The following PIAS1 variants were observed in gnomAD, a reference collection of about 807,000 sequenced individuals.
PIAS1 encodes the protein protein inhibitor of activated STAT 1.
Under a neutral mutation model 71.3 loss-of-function variants are expected in PIAS1, and 6 were observed. The ratio of observed to expected loss-of-function variants is 0.08; its 90% CI spans 0.05 to 0.17. The LOEUF is 0.17. Ranked by LOEUF, PIAS1 falls within the 10% of genes least tolerant of loss-of-function variation. The probability of loss-of-function intolerance (pLI) is 1.00; values close to 1 mark genes in which losing one functional copy is unlikely to be tolerated. For synonymous variants in PIAS1, 303 were observed against 292.9 expected, an observed-to-expected ratio of 1.03 and a Z score of -0.35; for missense variants, 555 against 793.6, an observed-to-expected ratio of 0.70 and a Z score of 3.61.
chr15:68,083,256 T>C (rs1233579399), intron 1 of PIAS1, among the ~76,000 whole-genome samples: 1 of 152,206 alleles, frequency 6.6e-6, no homozygotes, highest in African/African-American at 2.4e-5. Context: ...GTCAACACTT[T>C]TCATTGTGAA....
chr15:68,064,421 A>G (rs992811323), intron 1 of PIAS1, among the ~76,000 whole-genome samples: 5 of 152,228 alleles, frequency 3.3e-5, no homozygotes, highest in Admixed American at 1.3e-4. Flanking sequence ...ATTTGGAAGA[A>G]CTGCATAACT....
chr15:68,177,140 G>A (rs1284420909), intron 11 of PIAS1, among the ~76,000 whole-genome samples: 2 of 151,878 alleles, frequency 1.3e-5, no homozygotes, highest in African/African-American at 2.4e-5. Context: ...TTAGCCAAGC[G>A]TGGTGGCATG....
rs540573637 is a variant in PIAS1 at position 68,126,535 on chromosome 15, C to T, written c.470-15411C>T. On this transcript the variant is annotated intron_variant, in intron 2 of 13. Coordinates refer to ENST00000249636, the MANE Select transcript of PIAS1 (RefSeq NM_016166.3). The stretch of plus-strand genomic sequence containing the variant: ...TTGGCTCACTGCAACCTCCACCTCC[C>T]GGATTCAAGTGATTCTTATGCCTCA... Among the ~76,000 whole-genome samples the T allele has an allele frequency of 3.2e-4, 49 of 152,286 alleles. No homozygotes were observed. In the South Asian group the frequency reaches 6.4e-3, roughly 20 times the overall value.
At chr15:68,131,954 G>T (rs180744554) in intron 2 of PIAS1, among the ~76,000 whole-genome samples, 117 of 150,320 alleles carry the variant, frequency 7.8e-4, no homozygotes, top group African/African-American at 2.7e-3. Flanking sequence ...TGTAATCCCA[G>T]CACTTTGGGA....
chr15:68,139,796 T>C (rs2092758092), intron 2 of PIAS1, among the ~76,000 whole-genome samples: 2 of 152,176 alleles, frequency 1.3e-5, no homozygotes, highest in Admixed American at 1.3e-4. Flanking sequence ...TCTGTATCCC[T>C]GTGGATTGTC....
At chr15:68,118,168 A>G (rs2092581416) in intron 2 of PIAS1, among the ~76,000 whole-genome samples, 1 of 151,978 alleles carries the variant, frequency 6.6e-6, no homozygotes, top group Non-Finnish European at 1.5e-5. Flanking sequence ...TGCCTCTACA[A>G]AAATTAGCCA....
chr15:68,141,871 GTGT>G, intron 2 of PIAS1, 72 bp from the exon 3 acceptor site: 1 of 834,906 alleles, frequency 1.2e-6, no homozygotes, highest in Non-Finnish European at 1.9e-6. Context: ...AAAGACATGT[GTGT>G]TTTTTTTTTT....
chr15:68,070,077 AAG>A (rs939734783), intron 1 of PIAS1, among the ~76,000 whole-genome samples: 1 of 152,188 alleles, frequency 6.6e-6, no homozygotes, highest in Non-Finnish European at 1.5e-5. Context: ...AAAGATATGA[AAG>A]AGTTATTGTA....
rs141040603 is a variant in PIAS1, at chr15:68,104,358, G to A, written c.469+17608G>A. Among the ~76,000 whole-genome samples the A allele has an allele frequency of 2.4e-3, 372 of 152,190 alleles. 7 individuals carry two copies. The highest frequency in any genetic ancestry group is 8.5e-3 in the African/African-American group (352 of 41,516). Reference sequence around the variant, plus strand: ...TCTTTTATTTTCTAATGGTTTGGGAGTTCTGCCTTCTATTTCTGTAGGTAG... The same window carrying A: ...TCTTTTATTTTCTAATGGTTTGGGAATTCTGCCTTCTATTTCTGTAGGTAG... On this transcript the variant is annotated intron_variant, in intron 2 of 13. Transcript: ENST00000249636.
At chr15:68,083,379 G>T (rs77548139) in intron 1 of PIAS1, among the ~76,000 whole-genome samples, 3,290 of 152,084 alleles carry the variant, frequency 0.022, 120 homozygotes, top group African/African-American at 0.075. Flanking sequence ...CAGTCCTTAA[G>T]AGTATGCAAC....
At chr15:68,095,165 GAAGT>G (rs1489846113) in intron 2 of PIAS1, among the ~76,000 whole-genome samples, 1 of 152,142 alleles carries the variant, frequency 6.6e-6, no homozygotes, top group Non-Finnish European at 1.5e-5. Flanking sequence ...CTTAGGGTCA[GAAGT>G]AAGTACAGTT....
rs772738857 is a variant in PIAS1, at chr15:68,176,522, C to G, written c.1349C>G (p.Ser450Cys). Reference sequence around the variant, plus strand: ...CATCAGGTAGCGTCTCACCACCAGTCCTCAAATAAAAACAAGAAAGTAGAA... The same window carrying G: ...CATCAGGTAGCGTCTCACCACCAGTGCTCAAATAAAAACAAGAAAGTAGAA... The part of the protein sequence containing the change: ...LEHQVASHHQ[S>C]SNKNKKVEVI... Residue 450 changes from serine (S) to cysteine (C), a missense_variant, in exon 11 of 14, where the codon TCC (serine) becomes TGC (cysteine). Around this residue, in one of 5 missense-constraint regions of PIAS1, gnomAD observed 244 missense variants for 307.5 expected, o/e 0.79. Coordinates refer to ENST00000249636, the MANE Select transcript of PIAS1 (RefSeq NM_016166.3). The G allele has an allele frequency of 6.2e-7, 1 of 1,612,092 alleles. No individual in the cohort carries two copies. Among genetic ancestry groups the G allele is most frequent in the Non-Finnish European group, 8.5e-7 (1 of 1,179,100 alleles).
intron 8 of PIAS1, among the ~76,000 whole-genome samples, chr15:68,170,512 T>G (rs1312839096): frequency 6.6e-6 from 1 of 152,176 alleles, no homozygotes; most frequent in Non-Finnish European, 1.5e-5. Context: ...TCCAAATAAG[T>G]CAGTGAGTGG....
intron 1 of PIAS1, among the ~76,000 whole-genome samples, chr15:68,077,624 T>G (rs1438233750): frequency 6.6e-6 from 1 of 152,216 alleles, no homozygotes; most frequent in Admixed American, 6.5e-5. Context: ...AAACTTCATA[T>G]ATTAGATGGA....
rs1014614761 is a variant in PIAS1 at position 68,055,795 on chromosome 15, C to A, written c.24+1445C>A. On this transcript the variant is annotated intron_variant, in intron 1 of 13. Coordinates refer to ENST00000249636, the MANE Select transcript of PIAS1 (RefSeq NM_016166.3). ...CCCCGTTATAATGAAACGACAACTT[C>A]TAGAACAACCAAATGCCAGATTTGA... 9.0e-5 allele frequency: 57 copies of A among 631,010 alleles called. 1 individual carries two copies. In the South Asian group the frequency reaches 1.0e-3, roughly 11 times the overall value. The allele number at this position is 631,010 out of a possible 1,614,324, so 39.1% of individuals were successfully genotyped here.
chr15:68,089,974 G>A (rs531396857), intron 2 of PIAS1, among the ~76,000 whole-genome samples: 25 of 151,556 alleles, frequency 1.6e-4, no homozygotes, highest in Middle Eastern at 3.4e-3. Flanking sequence ...CTGTCTTTCC[G>A]GCTGAAGCAG....
intron 2 of PIAS1, among the ~76,000 whole-genome samples, chr15:68,116,943 T>A (rs1202335187): frequency 1.3e-5 from 2 of 152,342 alleles, no homozygotes; most frequent in East Asian, 3.9e-4. Flanking sequence ...GCGTACAATG[T>A]GATGTTTCAG....
At chr15:68,130,499 C>T (rs926900273) in intron 2 of PIAS1, among the ~76,000 whole-genome samples, 13 of 151,408 alleles carry the variant, frequency 8.6e-5, no homozygotes, top group African/African-American at 2.9e-4. Flanking sequence ...ACAATATTAT[C>T]AAAGAACTAC....
chr15:68,113,335 A>G (rs2092538384), intron 2 of PIAS1, among the ~76,000 whole-genome samples: 1 of 152,218 alleles, frequency 6.6e-6, no homozygotes, highest in Admixed American at 6.5e-5. Context: ...TTGCATTAAC[A>G]ACAACAAAAA....
Sources: allele counts gnomAD v4.1 joint callset (sites outside exome capture counted in the v4.1 genomes callset), GRCh38; gene constraint gnomAD v4.1.1; regional missense constraint gnomAD v4.1.1; transcripts MANE v1.5; gene names NCBI Gene and HGNC (gene_info 2026-07-23, HGNC 2026-07-21).